Variants in NUP210L observed in about 807,000 individuals in gnomAD.
NUP210L encodes nucleoporin 210 like.
Under a neutral mutation model 208.5 loss-of-function variants are expected in NUP210L, and 74 were observed. The observed-to-expected ratio is 0.35, with a 90% CI of 0.29 to 0.43. The LOEUF is 0.43. NUP210L is among the 20% of genes least tolerant of loss of function. NUP210L has a pLI of 1.00. For synonymous variants in NUP210L, 780 were observed against 816.9 expected, an observed-to-expected ratio of 0.95 and a Z score of 0.77; for missense variants, 1,843 against 2,289.4, an observed-to-expected ratio of 0.81 and a Z score of 3.98.
chr1:154,101,172 CAAAA>C (rs35540425), intron 13 of NUP210L, among the ~76,000 whole-genome samples: 2 of 104,748 alleles, frequency 1.9e-5, no homozygotes, highest in Non-Finnish European at 3.7e-5. Flanking sequence ...AACTCTGTCT[CAAAA>C]AAAAAAAAAA....
intron 7 of NUP210L, among the ~76,000 whole-genome samples, chr1:154,131,196 C>T (rs1052055569): frequency 6.7e-6 from 1 of 150,124 alleles, no homozygotes; most frequent in African/African-American, 2.4e-5. Flanking sequence ...GGCGTGAACC[C>T]GGGAGGTGGA....
At chr1:154,078,993 C>T (rs1255942242) in intron 16 of NUP210L, 2 of 151,980 alleles carry the variant, frequency 1.3e-5, no homozygotes, top group African/African-American at 2.4e-5. Context: ...TTCCTTTAAA[C>T]AAAAATTTTG....
chr1:154,015,518 C>T (rs145790216), intron 33 of NUP210L, among the ~76,000 whole-genome samples: 3,229 of 151,484 alleles, frequency 0.021, 105 homozygotes, highest in African/African-American at 0.067. Flanking sequence ...GTCAGGAGTT[C>T]GAGACAAGCC....
intron 12 of NUP210L, among the ~76,000 whole-genome samples, chr1:154,113,813 T>C (rs1657171430): frequency 7.8e-6 from 1 of 128,174 alleles, no homozygotes; most frequent in Non-Finnish European, 1.6e-5. Flanking sequence ...AGCTGAGATC[T>C]GGCCACGGCA....
chr1:154,070,307 T>C, exon 17 of NUP210L: 3 of 1,611,016 alleles, frequency 1.9e-6, no homozygotes, highest in South Asian at 1.1e-5. Flanking sequence ...CATCATCTTT[T>C]GCTACCATTT....
intron 23 of NUP210L, among the ~76,000 whole-genome samples, chr1:154,056,525 C>T (rs903355753): frequency 3.3e-5 from 5 of 152,256 alleles, no homozygotes; most frequent in Non-Finnish European, 7.4e-5. Flanking sequence ...AGTGATCCTC[C>T]TACTTTAGCC....
chr1:154,092,197 T>G (rs1412574860), intron 15 of NUP210L, among the ~76,000 whole-genome samples: 2 of 150,562 alleles, frequency 1.3e-5, no homozygotes, highest in African/African-American at 2.4e-5. Flanking sequence ...TGCCTCAGCC[T>G]CCTGAGTAGC....
At chr1:154,024,688 A>ATTTT (rs35432384) in intron 30 of NUP210L, among the ~76,000 whole-genome samples, 2 of 136,528 alleles carry the variant, frequency 1.5e-5, no homozygotes, top group South Asian at 2.3e-4. Context: ...AAGCCCGGCT[A>ATTTT]TTTTTTTTTT....
chr1:154,092,739 T>TG (rs2148050783), intron 15 of NUP210L, among the ~76,000 whole-genome samples: 1 of 151,602 alleles, frequency 6.6e-6, no homozygotes, highest in South Asian at 2.1e-4. Context: ...TTTGTTTGTT[T>TG]TTTGAGACGG....
At chr1:154,057,082 T>TG in intron 22 of NUP210L, 135 bp from the exon 23 acceptor site, 1 of 735,024 alleles carries the variant, frequency 1.4e-6, no homozygotes, top group Non-Finnish European at 2.2e-6. Flanking sequence ...AGACTCAATG[T>TG]ATCCTCCCAC....
intron 10 of NUP210L, among the ~76,000 whole-genome samples, chr1:154,121,674 C>A (rs1338752997): frequency 6.6e-6 from 1 of 152,068 alleles, no homozygotes. Context: ...TGAGACCAGT[C>A]TGGCCAACAT....
intron 20 of NUP210L, among the ~76,000 whole-genome samples, chr1:154,060,305 T>A (rs1654068351): frequency 6.6e-6 from 1 of 152,318 alleles, no homozygotes; most frequent in Middle Eastern, 3.4e-3. Context: ...TTGAAACTTA[T>A]AAAAATGAAA....
rs561679885 is a variant in NUP210L at position 154,122,981 on chromosome 1, G to A, written c.1326+3342C>T. 3.3e-5 allele frequency among the ~76,000 whole-genome samples: 5 copies of A among 150,384 alleles called. No homozygotes were observed. In the East Asian group the frequency reaches 5.9e-4, roughly 18 times the overall value. ...TAGGAGGATCACTTGGGCCCAGGAGGTCAAGGCTGCAGTAAACCATGATGG... is the reference window on the plus strand; with the variant it reads ...TAGGAGGATCACTTGGGCCCAGGAGATCAAGGCTGCAGTAAACCATGATGG... On this transcript the variant is annotated intron_variant, in intron 10 of 39. Coordinates refer to ENST00000368559, the Ensembl canonical transcript of NUP210L.
chr1:154,017,519 C>CTTTTTTTT (rs553512184), intron 33 of NUP210L, among the ~76,000 whole-genome samples: 1 of 127,982 alleles, frequency 7.8e-6, no homozygotes, highest in African/African-American at 2.9e-5. Context: ...TTCTTTCTTT[C>CTTTTTTTT]TTTTTTTTTT....
At chr1:154,136,037 C>T in intron 6 of NUP210L, 65 bp from the exon 7 acceptor site, 1 of 1,098,916 alleles carries the variant, frequency 9.1e-7, no homozygotes, top group South Asian at 1.3e-5. Flanking sequence ...ATGATGTATT[C>T]TTGATCATAA....
intron 23 of NUP210L, among the ~76,000 whole-genome samples, chr1:154,055,121 T>TC (rs1653748901): frequency 7.6e-6 from 1 of 132,038 alleles, no homozygotes; most frequent in African/African-American, 3.4e-5. Flanking sequence ...TCTCTTTCTT[T>TC]CTTTTCTTTC....
intron 14 of NUP210L, among the ~76,000 whole-genome samples, chr1:154,097,168 T>G (rs1656220337): frequency 6.6e-6 from 1 of 152,086 alleles, no homozygotes; most frequent in Non-Finnish European, 1.5e-5. Context: ...AACAAATGAT[T>G]CCTTTTTCTT....
At chr1:154,105,414 G>A (rs189279975) in intron 12 of NUP210L, among the ~76,000 whole-genome samples, 3 of 150,124 alleles carry the variant, frequency 2.0e-5, no homozygotes, top group African/African-American at 7.4e-5. Flanking sequence ...GCTTGAACCC[G>A]GGGGGTGGAG....
At chr1:154,128,340 G>C (rs1417204591) in intron 8 of NUP210L, among the ~76,000 whole-genome samples, 2 of 150,794 alleles carry the variant, frequency 1.3e-5, no homozygotes, top group Non-Finnish European at 1.5e-5. Flanking sequence ...TTAAAAATTA[G>C]CTGAACGTGG....
Sources: allele counts gnomAD v4.1 joint callset (sites outside exome capture counted in the v4.1 genomes callset), GRCh38; gene constraint gnomAD v4.1.1; transcripts MANE v1.5; gene names NCBI Gene and HGNC (gene_info 2026-07-23, HGNC 2026-07-21).